Variants in GPC5 observed in about 807,000 individuals in gnomAD.
The protein encoded by GPC5 is glypican-5.
Under a neutral mutation model 53.9 loss-of-function variants are expected in GPC5, and 47 were observed. That is an observed-to-expected ratio of 0.87 (90% CI 0.69 to 1.11). The LOEUF (loss-of-function observed/expected upper bound fraction) is 1.11. GPC5 is among the 50% of genes most tolerant of loss of function. GPC5 has a pLI of 0.00. For synonymous variants in GPC5, 286 were observed against 263.3 expected, an observed-to-expected ratio of 1.09 and a Z score of -0.84; for missense variants, 748 against 713.1, an observed-to-expected ratio of 1.05 and a Z score of -0.56.
intron 7 of GPC5, among the ~76,000 whole-genome samples, chr13:92,351,682 T>C (rs916615546): frequency 1.3e-5 from 2 of 152,160 alleles, no homozygotes; most frequent in African/African-American, 4.8e-5. Context: ...AGACAATTAG[T>C]ACAGAAATTT....
chr13:92,757,027 A>T (rs1354687053), intron 7 of GPC5, among the ~76,000 whole-genome samples: 2 of 151,860 alleles, frequency 1.3e-5, no homozygotes, highest in African/African-American at 2.4e-5. Flanking sequence ...TTGCCAAGTC[A>T]ATCCTAAGCC....
chr13:92,681,707 C>T (rs932987600), intron 7 of GPC5, among the ~76,000 whole-genome samples: 1 of 152,166 alleles, frequency 6.6e-6, no homozygotes, highest in African/African-American at 2.4e-5. Flanking sequence ...ATACTCCACC[C>T]CTTGTTCTGA....
intron 7 of GPC5, among the ~76,000 whole-genome samples, chr13:92,670,507 T>C (rs1437418488): frequency 1.3e-5 from 2 of 152,214 alleles, no homozygotes; most frequent in Non-Finnish European, 2.9e-5. Flanking sequence ...ATATCAGCCA[T>C]CTCTCAGTGC....
intron 7 of GPC5, among the ~76,000 whole-genome samples, chr13:92,855,164 T>C (rs1007335938): frequency 6.6e-6 from 1 of 152,058 alleles, no homozygotes; most frequent in Non-Finnish European, 1.5e-5. Flanking sequence ...ACTGTAGATA[T>C]GATCACTACA....
chr13:91,857,359 T>C (rs759813670), intron 5 of GPC5, among the ~76,000 whole-genome samples: 7 of 151,560 alleles, frequency 4.6e-5, no homozygotes, highest in Non-Finnish European at 7.4e-5. Flanking sequence ...TTCTAATTTA[T>C]GAACATGGAT....
chr13:91,975,755 G>A (rs2040294016), intron 6 of GPC5, among the ~76,000 whole-genome samples: 1 of 152,130 alleles, frequency 6.6e-6, no homozygotes, highest in Non-Finnish European at 1.5e-5. Context: ...ATTTGACCCA[G>A]CCATCCCATT....
chr13:91,907,726 C>T (rs2039569445), intron 5 of GPC5, among the ~76,000 whole-genome samples: 1 of 151,684 alleles, frequency 6.6e-6, no homozygotes, highest in Admixed American at 6.6e-5. Flanking sequence ...GAGTGAATAA[C>T]ATTATTTTTA....
Position 91,915,404 on chromosome 13 carries a change from G to C in GPC5, c.1401+7347G>C, listed in dbSNP as rs572601763. 1.5e-3 allele frequency among the ~76,000 whole-genome samples: 233 copies of C among 152,226 alleles called. 1 individual carries two copies. The highest frequency in any genetic ancestry group is 3.4e-3 in the Middle Eastern group (1 of 294). On this transcript the variant is annotated intron_variant, in intron 6 of 7. Coordinates refer to ENST00000377067, the MANE Select transcript of GPC5 (RefSeq NM_004466.6). Reference sequence around the variant, plus strand: ...ATTTCAATCAGTGTACAATCAACTGGAAAGGAAAGTTTGAGAACTTTTTTT... The same window carrying C: ...ATTTCAATCAGTGTACAATCAACTGCAAAGGAAAGTTTGAGAACTTTTTTT...
At chr13:92,106,951 T>C (rs1853997) in intron 6 of GPC5, among the ~76,000 whole-genome samples, 148,907 of 152,230 alleles carry the variant, frequency 0.98, 72,907 homozygotes, top group Middle Eastern at 1. Flanking sequence ...CAGTAATTCT[T>C]TTTGTATTTC....
intron 7 of GPC5, among the ~76,000 whole-genome samples, chr13:92,785,087 C>A (rs1876168523): frequency 6.6e-6 from 1 of 151,990 alleles, no homozygotes; most frequent in Non-Finnish European, 1.5e-5. Context: ...ACCAGCCTGG[C>A]CAACATGATG....
At chr13:92,267,021 T>C (rs2139149627) in intron 7 of GPC5, among the ~76,000 whole-genome samples, 1 of 152,266 alleles carries the variant, frequency 6.6e-6, no homozygotes, top group East Asian at 1.9e-4. Flanking sequence ...AGCTATTTTT[T>C]CTTTGCTAAA....
Position 92,719,823 on chromosome 13 carries a change from G to T in GPC5, c.1562-146459G>T, listed in dbSNP as rs544045113. On this transcript the variant is annotated intron_variant, in intron 7 of 7. Transcript: ENST00000377067. The stretch of plus-strand genomic sequence containing the variant: ...CCTTCTGTTCAAACACTTATAGTTT[G>T]CTATAGATACTAGCACTAGTACAGG... The T allele has an allele frequency of 3.3e-5, 5 of 152,260 alleles. No homozygotes were observed. In the East Asian group the frequency reaches 9.7e-4, roughly 29 times the overall value. 9.4% of individuals were successfully genotyped at this position (152,260 alleles called of 1,614,324 possible). A position where few individuals can be genotyped will look rare whatever the true frequency, so the allele number is the denominator to read the frequency against.
chr13:91,649,235 A>G (rs9589321), intron 2 of GPC5, among the ~76,000 whole-genome samples: 11,246 of 152,184 alleles, frequency 0.074, 1,390 homozygotes, highest in African/African-American at 0.26. Context: ...ATCCAGTCTC[A>G]GGCAGTTCCT....
At chr13:92,200,414 C>G (rs1027073559) in intron 7 of GPC5, among the ~76,000 whole-genome samples, 4 of 152,126 alleles carry the variant, frequency 2.6e-5, no homozygotes, top group African/African-American at 9.7e-5. Context: ...AGCCAGAGCT[C>G]TTTTGGTGGT....
intron 1 of GPC5, among the ~76,000 whole-genome samples, chr13:91,442,720 G>A (rs4773630): frequency 0.52 from 78,643 of 151,994 alleles, 20,668 homozygotes; most frequent in East Asian, 0.71. Flanking sequence ...TGATTCCTTC[G>A]GCAAGACGTT....
chr13:91,497,923 A>G (rs1884368324), intron 2 of GPC5, among the ~76,000 whole-genome samples: 1 of 152,156 alleles, frequency 6.6e-6, no homozygotes, highest in Non-Finnish European at 1.5e-5. Context: ...CACCTCAAGA[A>G]TGTATCCTTT....
At chr13:92,694,550 G>A (rs1887504767) in intron 7 of GPC5, among the ~76,000 whole-genome samples, 1 of 152,188 alleles carries the variant, frequency 6.6e-6, no homozygotes, top group South Asian at 2.1e-4. Flanking sequence ...TTTTGGATTT[G>A]CATGGGCCTG....
intron 7 of GPC5, among the ~76,000 whole-genome samples, chr13:92,630,210 C>T (rs746564502): frequency 2.6e-5 from 4 of 151,980 alleles, no homozygotes; most frequent in Admixed American, 1.3e-4. Flanking sequence ...TCTACGTAAT[C>T]GTGAATGTAT....
chr13:91,644,516 T>C (rs933952810), intron 2 of GPC5, among the ~76,000 whole-genome samples: 1 of 152,204 alleles, frequency 6.6e-6, no homozygotes, highest in Admixed American at 6.5e-5. Flanking sequence ...CATTTTCAGT[T>C]TTCTGTGATC....
Sources: allele counts gnomAD v4.1 joint callset (sites outside exome capture counted in the v4.1 genomes callset), GRCh38; gene constraint gnomAD v4.1.1; transcripts MANE v1.5; gene names NCBI Gene and HGNC (gene_info 2026-07-23, HGNC 2026-07-21).